CHP1: variants seen among roughly 807,000 people sequenced by gnomAD.
The protein encoded by CHP1 is calcineurin like EF-hand protein 1.
CHP1 carries 11 observed loss-of-function variants against 27.4 expected under a neutral mutation model. That is an observed-to-expected ratio of 0.40 (90% CI 0.25 to 0.67). The LOEUF (loss-of-function observed/expected upper bound fraction) is 0.67, where lower values mean the gene tolerates loss of function less well. Among genes scored for constraint, CHP1 ranks in the 30% least tolerant of loss-of-function variants. The pLI, the probability that CHP1 is intolerant of heterozygous loss-of-function variation, is 0.38. For synonymous variants in CHP1, 89 were observed against 87.4 expected, an observed-to-expected ratio of 1.02 and a Z score of -0.10; for missense variants, 169 against 251.3, an observed-to-expected ratio of 0.67 and a Z score of 2.22.
At chr15:41,275,357 G>A (rs941292947) in intron 5 of CHP1, among the ~76,000 whole-genome samples, 1 of 151,846 alleles carries the variant, frequency 6.6e-6, no homozygotes, top group South Asian at 2.1e-4. Context: ...GTTTCACCAT[G>A]TTGGCTAGGC....
intron 1 of CHP1, among the ~76,000 whole-genome samples, chr15:41,237,148 T>G (rs1364567257): frequency 1.4e-5 from 2 of 141,302 alleles, no homozygotes; most frequent in East Asian, 4.1e-4. Context: ...TTCTTTTTCT[T>G]TTTTTTTTTT....
chr15:41,235,321 C>T lies in CHP1; in HGVS notation c.67+3872C>T, dbSNP rs564571657. Among the ~76,000 whole-genome samples the T allele has an allele frequency of 3.9e-5, 6 of 152,220 alleles. No homozygotes were observed. The East Asian group carries it at 1.2e-3, about 29-fold the overall frequency. ...TCGCTTGAGCCCAGGAGTTCAAGACCAGCCTGGGCAACATAGGGAAACCCC... is the reference window on the plus strand; with the variant it reads ...TCGCTTGAGCCCAGGAGTTCAAGACTAGCCTGGGCAACATAGGGAAACCCC... On this transcript the variant is annotated intron_variant, in intron 1 of 6. Transcript: ENST00000334660.
rs575228081 is a variant in CHP1 at position 41,232,110 on chromosome 15, T to TA, written c.67+662dup. On this transcript the variant is annotated intron_variant, in intron 1 of 6. Coordinates refer to ENST00000334660, the MANE Select transcript of CHP1 (RefSeq NM_007236.5). ...GACGATACTTGCTGTCCTAATCTCA[T>TA]ATATGTATTGATTTCTACTATGCTG... Among the ~76,000 whole-genome samples the TA allele has an allele frequency of 3.9e-5, 6 of 152,276 alleles. No individual in the cohort carries two copies. In the East Asian group the frequency reaches 1.2e-3, roughly 29 times the overall value.
intron 2 of CHP1, among the ~76,000 whole-genome samples, chr15:41,244,446 C>G (rs533726219): frequency 1.3e-5 from 2 of 152,180 alleles, no homozygotes; most frequent in African/African-American, 4.8e-5. Context: ...AACCCATAAC[C>G]CTGAGGTACA....
chr15:41,231,605 T>A (rs1339897519), intron 1 of CHP1, among the ~76,000 whole-genome samples, 156 bp downstream of exon 1: 2 of 152,038 alleles, frequency 1.3e-5, no homozygotes, highest in Non-Finnish European at 2.9e-5. Flanking sequence ...GACCTGTTCT[T>A]CCAGCTGCAG....
intron 1 of CHP1, among the ~76,000 whole-genome samples, chr15:41,233,052 C>G (rs993912768): frequency 2.6e-5 from 4 of 152,140 alleles, no homozygotes; most frequent in African/African-American, 9.7e-5. Flanking sequence ...TTGAATGACC[C>G]AAAGTAGTTA....
chr15:41,232,489 G>A (rs2047255350), intron 1 of CHP1, among the ~76,000 whole-genome samples: 1 of 151,936 alleles, frequency 6.6e-6, no homozygotes, highest in African/African-American at 2.4e-5. Context: ...GGGATTACAG[G>A]TGTGAGCCAC....
intron 4 of CHP1, among the ~76,000 whole-genome samples, chr15:41,268,033 G>C (rs1174288285): frequency 6.6e-6 from 1 of 152,036 alleles, no homozygotes; most frequent in Non-Finnish European, 1.5e-5. Flanking sequence ...CTACATGCCA[G>C]GTACTATTTT....
In CHP1 at chr15:41,231,464, G is replaced by A. The variant is rs764663720; in HGVS notation, c.67+15G>A. ...GGAGACCGGCTGTGAGTTCGGGTTG[G>A]GGGTGGGAACGCCGGGCGCCTCAGG... On this transcript the variant is annotated intron_variant, in intron 1 of 6. Transcript: ENST00000334660. 1.3e-6 allele frequency: 2 copies of A among 1,595,556 alleles called. No individual in the cohort carries two copies. Among genetic ancestry groups the A allele is most frequent in the Non-Finnish European group, 1.7e-6 (2 of 1,172,564 alleles).
At chr15:41,258,544 G>A (rs1379018092) in intron 3 of CHP1, among the ~76,000 whole-genome samples, 2 of 151,852 alleles carry the variant, frequency 1.3e-5, no homozygotes, top group East Asian at 3.9e-4. Context: ...TTTTACTTTC[G>A]TGATATTGAA....
At chr15:41,238,700 T>C (rs1254226134) in intron 1 of CHP1, among the ~76,000 whole-genome samples, 1 of 108,620 alleles carries the variant, frequency 9.2e-6, no homozygotes, top group Non-Finnish European at 1.8e-5. Context: ...AAAAAAAAAA[T>C]TAGCCAGGCA....
intron 3 of CHP1, 30 bp from the exon 4 acceptor site, chr15:41,262,726 G>C: frequency 6.2e-7 from 1 of 1,609,370 alleles, no homozygotes; most frequent in Non-Finnish European, 8.5e-7. Context: ...TGATTGACAT[G>C]GTGTTGTGTT....
At chr15:41,251,580 G>A (rs769849354) in intron 2 of CHP1, among the ~76,000 whole-genome samples, 19 of 152,052 alleles carry the variant, frequency 1.2e-4, no homozygotes, top group Non-Finnish European at 2.2e-4. Flanking sequence ...CACCGCCTCC[G>A]GTCAGATCAG....
At chr15:41,267,258 A>C (rs955234917) in intron 4 of CHP1, among the ~76,000 whole-genome samples, 1 of 151,822 alleles carries the variant, frequency 6.6e-6, no homozygotes, top group African/African-American at 2.4e-5. Context: ...TTATGGGGAG[A>C]TGGATGGTGG....
intron 4 of CHP1, among the ~76,000 whole-genome samples, chr15:41,266,726 G>T (rs2047462814): frequency 6.6e-6 from 1 of 152,184 alleles, no homozygotes; most frequent in African/African-American, 2.4e-5. Flanking sequence ...CTGAGGCCGG[G>T]AGCGGTGGCT....
chr15:41,256,007 A>C (rs1007550426), intron 2 of CHP1, among the ~76,000 whole-genome samples: 6 of 152,068 alleles, frequency 3.9e-5, no homozygotes, highest in African/African-American at 1.4e-4. Flanking sequence ...ACTGAGCAAG[A>C]CTCTGTCTCA....
chr15:41,239,521 A>G (rs1057385001), intron 1 of CHP1, among the ~76,000 whole-genome samples: 2 of 151,862 alleles, frequency 1.3e-5, no homozygotes, highest in African/African-American at 2.4e-5. Context: ...CTCCTGCCTC[A>G]GCCTCCCAAG....
At chr15:41,240,396 T>C (rs1321106581) in intron 1 of CHP1, among the ~76,000 whole-genome samples, 1 of 152,158 alleles carries the variant, frequency 6.6e-6, no homozygotes, top group Non-Finnish European at 1.5e-5. Context: ...AGAAAAAGTA[T>C]GAATTACTAA....
intron 3 of CHP1, among the ~76,000 whole-genome samples, chr15:41,258,594 T>C (rs1472260880): frequency 1.3e-5 from 2 of 152,300 alleles, no homozygotes; most frequent in East Asian, 3.9e-4. Context: ...TCAAGTAGAT[T>C]GTTCTTAATG....
Sources: allele counts gnomAD v4.1 joint callset (sites outside exome capture counted in the v4.1 genomes callset), GRCh38; gene constraint gnomAD v4.1.1; transcripts MANE v1.5; gene names NCBI Gene and HGNC (gene_info 2026-07-23, HGNC 2026-07-21).